TEX36: variants seen among roughly 807,000 people sequenced by gnomAD.
The protein encoded by TEX36 is testis expressed 36, also known as testis-expressed protein 36.
TEX36 carries 12 observed loss-of-function variants against 13.6 expected under a neutral mutation model. The observed-to-expected ratio is 0.88, with a 90% confidence interval of 0.56 to 1.43. The LOEUF is 1.43. Among genes scored for constraint, TEX36 ranks in the 40% most tolerant of loss-of-function variants. The pLI is 0.00. For synonymous variants in TEX36, 93 were observed against 83.0 expected, an observed-to-expected ratio of 1.12 and a Z score of -0.65; for missense variants, 224 against 228.3, an observed-to-expected ratio of 0.98 and a Z score of 0.12.
intron 3 of TEX36, among the ~76,000 whole-genome samples, chr10:125,586,029 A>C (rs138582891): frequency 6.0e-4 from 92 of 152,312 alleles, no homozygotes; most frequent in African/African-American, 2.1e-3. Context: ...GTGGTATTTT[A>C]TCTAAGTTCA....
intron 1 of TEX36, among the ~76,000 whole-genome samples, chr10:125,664,682 A>G (rs1240741841): frequency 6.6e-6 from 1 of 152,134 alleles, no homozygotes; most frequent in Admixed American, 6.5e-5. Flanking sequence ...ACCTTCTGCC[A>G]TGATTGTAAG....
intron 3 of TEX36, among the ~76,000 whole-genome samples, chr10:125,638,905 T>C (rs1189125765): frequency 1.3e-5 from 2 of 152,278 alleles, no homozygotes; most frequent in Admixed American, 1.3e-4. Context: ...TTCCGTCTGC[T>C]GAATAAACCC....
At chr10:125,679,879 TCTTCTCTGCTTC>T (rs1337005939) in intron 1 of TEX36, among the ~76,000 whole-genome samples, 1 of 152,226 alleles carries the variant, frequency 6.6e-6, no homozygotes, top group African/African-American at 2.4e-5. Flanking sequence ...TGGGTTGCTT[TCTTCTCTGCTTC>T]CTGTCGCACT....
chr10:125,618,000 TTC>T (rs1846380333), downstream of TEX36, among the ~76,000 whole-genome samples: 1 of 152,180 alleles, frequency 6.6e-6, no homozygotes, highest in Non-Finnish European at 1.5e-5. Flanking sequence ...TTATTCTTTT[TTC>T]TCTAAACTTC....
At chr10:125,608,173 G>T (rs979954084) in intron 3 of TEX36, among the ~76,000 whole-genome samples, 2 of 152,192 alleles carry the variant, frequency 1.3e-5, no homozygotes, top group Non-Finnish European at 2.9e-5. Context: ...ACAATAAAGA[G>T]AAAGGAGGAT....
intron 3 of TEX36, among the ~76,000 whole-genome samples, chr10:125,610,251 A>G (rs1565173675): frequency 6.6e-6 from 1 of 152,172 alleles, no homozygotes; most frequent in African/African-American, 2.4e-5. Flanking sequence ...TGGAGTAGCC[A>G]CCCTTTCATT....
intron 3 of TEX36, among the ~76,000 whole-genome samples, chr10:125,631,792 C>G (rs186127): frequency 0.16 from 23,983 of 152,102 alleles, 3,478 homozygotes; most frequent in African/African-American, 0.38. Context: ...GCCCTGGTTG[C>G]TGACACAGAA....
At chr10:125,640,154 G>C (rs967195868) in intron 3 of TEX36, 1 of 985,418 alleles carries the variant, frequency 1.0e-6, no homozygotes, top group Non-Finnish European at 1.2e-6. Flanking sequence ...GTTACAGCCA[G>C]ATCAGTGCCC....
At chr10:125,652,904 C>G (rs1176062518), downstream of TEX36, among the ~76,000 whole-genome samples, 1 of 152,160 alleles carries the variant, frequency 6.6e-6, no homozygotes, top group Non-Finnish European at 1.5e-5. Context: ...TCATCACTGG[C>G]CATCAGAGAA....
chr10:125,598,396 C>T (rs1387976527), intron 3 of TEX36, among the ~76,000 whole-genome samples: 2 of 152,162 alleles, frequency 1.3e-5, no homozygotes, highest in African/African-American at 4.8e-5. Flanking sequence ...CTGAGGCTAG[C>T]ACTCCTCCTG....
intron 3 of TEX36, among the ~76,000 whole-genome samples, chr10:125,645,326 T>C (rs1009161897): frequency 6.6e-6 from 1 of 152,142 alleles, no homozygotes; most frequent in Non-Finnish European, 1.5e-5. Flanking sequence ...AAGGGCTCTG[T>C]TCTTATGAAT....
At chr10:125,576,745 GA>G in exon 4 of TEX36, 3 of 1,534,850 alleles carry the variant, frequency 2.0e-6, no homozygotes, top group Non-Finnish European at 2.6e-6. Flanking sequence ...TGCTCCCAAA[GA>G]GCTCACACTG....
At chr10:125,675,299 C>T (rs1307127494) in intron 1 of TEX36, among the ~76,000 whole-genome samples, 1 of 152,200 alleles carries the variant, frequency 6.6e-6, no homozygotes, top group Non-Finnish European at 1.5e-5. Flanking sequence ...ACTGGAGCTA[C>T]AGCAATGGTG....
chr10:125,590,678 T>G (rs556684599), intron 3 of TEX36, among the ~76,000 whole-genome samples: 18 of 152,150 alleles, frequency 1.2e-4, no homozygotes, highest in Non-Finnish European at 2.5e-4. Context: ...TCAGATAAGA[T>G]GATGTTTATG....
intron 3 of TEX36, among the ~76,000 whole-genome samples, chr10:125,624,671 A>G (rs1036234784): frequency 6.8e-6 from 1 of 147,920 alleles, no homozygotes; most frequent in African/African-American, 2.6e-5. Flanking sequence ...GAGATGTATA[A>G]TTCTACAGAA....
chr10:125,626,978 G>A lies in TEX36; in HGVS notation c.265-5333C>T, dbSNP rs183060275. On this transcript the variant is annotated intron_variant, in intron 3 of 3. Coordinates refer to the TEX36 transcript ENST00000526819. ...AAAAGGGAAGGAGGGAGTTTCCGGA[G>A]GGGGCTGGTGGGATTGCAAATGAAA... is the stretch of plus-strand genomic sequence containing the variant. Among the ~76,000 whole-genome samples, 442 of 152,296 alleles carry A rather than the reference G, an allele frequency of 2.9e-3. 3 individuals carry two copies. The highest frequency in any genetic ancestry group is 9.9e-3 in the African/African-American group (413 of 41,546).
At chr10:125,651,328 A>G (rs1846852545), downstream of TEX36, among the ~76,000 whole-genome samples, 1 of 152,222 alleles carries the variant, frequency 6.6e-6, no homozygotes, top group Non-Finnish European at 1.5e-5. Context: ...CCTGGGATGC[A>G]AGGCTGGTTC....
intron 3 of TEX36, among the ~76,000 whole-genome samples, chr10:125,588,080 T>G (rs1845979316): frequency 6.6e-6 from 1 of 152,248 alleles, no homozygotes; most frequent in African/African-American, 2.4e-5. Flanking sequence ...AAAACAGCGG[T>G]AACTTTGTAA....
At chr10:125,603,015 C>T (rs753982006) in intron 3 of TEX36, among the ~76,000 whole-genome samples, 2 of 152,276 alleles carry the variant, frequency 1.3e-5, no homozygotes, top group South Asian at 4.1e-4. Context: ...ACCCCGCCCA[C>T]GGGCCCACCT....
Sources: gnomAD v4.1 joint callset for allele counts (sites outside exome capture counted in the v4.1 genomes callset) on GRCh38, gnomAD v4.1.1 for gene constraint, MANE v1.5 for transcripts, NCBI Gene and HGNC (gene_info 2026-07-23, HGNC 2026-07-21) for gene names.